Variants in LRP1B observed in about 807,000 individuals in gnomAD.
The protein encoded by LRP1B is low-density lipoprotein receptor-related protein 1B.
Under a neutral mutation model 556.6 loss-of-function variants are expected in LRP1B, and 217 were observed. The ratio of observed to expected loss-of-function variants is 0.39; its 90% CI spans 0.35 to 0.44. LRP1B has a LOEUF of 0.44. Ranked by LOEUF, LRP1B falls within the 20% of genes least tolerant of loss-of-function variation. The probability of loss-of-function intolerance (pLI) is 1.00; values close to 1 mark genes in which losing one functional copy is unlikely to be tolerated. For synonymous variants in LRP1B, 2,047 were observed against 1,865.8 expected (o/e 1.10, Z -2.50); for missense variants, 5,053 against 5,620.8 (o/e 0.90, Z 3.23).
intron 55 of LRP1B, among the ~76,000 whole-genome samples, chr2:140,499,686 G>A (rs1468111593): frequency 6.6e-6 from 1 of 151,740 alleles, no homozygotes; most frequent in African/African-American, 2.4e-5. Context: ...AAGTATTTGT[G>A]TATCTAAACA....
At chr2:141,126,108 T>G (rs1359938459) in intron 7 of LRP1B, among the ~76,000 whole-genome samples, 1 of 151,856 alleles carries the variant, frequency 6.6e-6, no homozygotes, top group African/African-American at 2.4e-5. Context: ...CTCAGCTCAC[T>G]GCAACCTCTG....
At chr2:141,018,956 T>C (rs1185100214) in intron 12 of LRP1B, among the ~76,000 whole-genome samples, 1 of 152,064 alleles carries the variant, frequency 6.6e-6, no homozygotes, top group Non-Finnish European at 1.5e-5. Flanking sequence ...TCCTATACAA[T>C]ATGTATTTTT....
chr2:140,687,022 A>G (rs1461552093), intron 41 of LRP1B, among the ~76,000 whole-genome samples: 3 of 152,114 alleles, frequency 2.0e-5, no homozygotes, highest in Non-Finnish European at 4.4e-5. Context: ...AAAAAAGGAG[A>G]CTAACTGATA....
chr2:141,162,514 G>A (rs1680082291), intron 7 of LRP1B, among the ~76,000 whole-genome samples: 1 of 152,042 alleles, frequency 6.6e-6, no homozygotes, highest in African/African-American at 2.4e-5. Context: ...GCGGTACTAT[G>A]AGTCATAAAG....
intron 3 of LRP1B, among the ~76,000 whole-genome samples, chr2:141,419,515 G>A (rs781671659): frequency 6.6e-6 from 1 of 152,012 alleles, no homozygotes; most frequent in Non-Finnish European, 1.5e-5. Context: ...TAGGTAGTAG[G>A]CTAATAGGAA....
chr2:141,390,658 C>T (rs1690017061), intron 3 of LRP1B, among the ~76,000 whole-genome samples: 1 of 152,110 alleles, frequency 6.6e-6, no homozygotes, highest in Non-Finnish European at 1.5e-5. Flanking sequence ...AAACATTATG[C>T]TAAGTGAAAG....
intron 41 of LRP1B, among the ~76,000 whole-genome samples, chr2:140,616,288 A>G (rs1683253929): frequency 6.6e-6 from 1 of 151,968 alleles, no homozygotes; most frequent in East Asian, 1.9e-4. Flanking sequence ...CAGAATTACT[A>G]AAGAATGTGT....
chr2:141,769,090 T>C (rs1203374715), intron 2 of LRP1B, among the ~76,000 whole-genome samples: 8 of 152,318 alleles, frequency 5.3e-5, no homozygotes, highest in East Asian at 1.9e-4. Flanking sequence ...ATGACTCTTA[T>C]AGGTGAAGAT....
intron 49 of LRP1B, among the ~76,000 whole-genome samples, chr2:140,521,520 C>T (rs545790732): frequency 6.6e-6 from 1 of 151,978 alleles, no homozygotes; most frequent in Non-Finnish European, 1.5e-5. Context: ...CAGATCAGTA[C>T]TAGAAGAGAG....
chr2:141,994,500 C>T (rs144169400), intron 1 of LRP1B, among the ~76,000 whole-genome samples: 15 of 152,018 alleles, frequency 9.9e-5, no homozygotes, highest in East Asian at 3.9e-4. Context: ...TAAATATATA[C>T]GTATATATGT....
chr2:140,479,838 A>G (rs1296258760), intron 59 of LRP1B, among the ~76,000 whole-genome samples: 1 of 152,240 alleles, frequency 6.6e-6, no homozygotes, highest in East Asian at 1.9e-4. Context: ...CTCTACAGAA[A>G]TCAGAAACTG....
intron 3 of LRP1B, among the ~76,000 whole-genome samples, chr2:141,289,381 CAAAAA>C (rs34784985): frequency 2.8e-4 from 12 of 43,446 alleles, no homozygotes; most frequent in African/African-American, 1.1e-3. Flanking sequence ...GACTCCATCT[CAAAAA>C]AAAAAAAAAA....
chr2:141,613,639 C>A (rs1202006102), intron 2 of LRP1B, among the ~76,000 whole-genome samples: 2 of 152,108 alleles, frequency 1.3e-5, no homozygotes, highest in East Asian at 1.9e-4. Flanking sequence ...GGCTAACCTT[C>A]GCAAACGTGT....
chr2:140,359,921 T>A (rs2105140817), intron 72 of LRP1B, among the ~76,000 whole-genome samples: 1 of 151,790 alleles, frequency 6.6e-6, no homozygotes, highest in East Asian at 1.9e-4. Context: ...ATTCCTCTCA[T>A]TGACCATCAA....
chr2:141,802,210 G>A (rs1696030169), intron 2 of LRP1B, among the ~76,000 whole-genome samples: 1 of 152,142 alleles, frequency 6.6e-6, no homozygotes, highest in Admixed American at 6.6e-5. Flanking sequence ...AGGAAAATGT[G>A]TCTCAGTTTG....
chr2:140,948,426 G>T (rs756558701), intron 20 of LRP1B, among the ~76,000 whole-genome samples: 2 of 152,080 alleles, frequency 1.3e-5, no homozygotes, highest in Admixed American at 1.3e-4. Context: ...TAGGCAAAAA[G>T]TTCTAGCTCA....
intron 66 of LRP1B, among the ~76,000 whole-genome samples, chr2:140,398,180 T>C (rs1684335128): frequency 6.6e-6 from 1 of 152,114 alleles, no homozygotes; most frequent in East Asian, 1.9e-4. Context: ...TTTGAGATTA[T>C]AAAACCAAGG....
chr2:141,198,632 C>A (rs1308443891), intron 6 of LRP1B, among the ~76,000 whole-genome samples: 1 of 151,902 alleles, frequency 6.6e-6, no homozygotes, highest in Non-Finnish European at 1.5e-5. Flanking sequence ...GGCTTTTGTA[C>A]CTCCTTCCAC....
intron 20 of LRP1B, among the ~76,000 whole-genome samples, chr2:140,926,953 A>T (rs1694904234): frequency 6.6e-6 from 1 of 152,050 alleles, no homozygotes; most frequent in African/African-American, 2.4e-5. Flanking sequence ...CTTTATATTC[A>T]TTACATCAGA....
Sources: allele counts gnomAD v4.1 joint callset (sites outside exome capture counted in the v4.1 genomes callset), GRCh38; gene constraint gnomAD v4.1.1; transcripts MANE v1.5; gene names NCBI Gene and HGNC (gene_info 2026-07-23, HGNC 2026-07-21).